MYO18B: variants seen among roughly 807,000 people sequenced by gnomAD.
MYO18B encodes myosin XVIIIB.
A neutral mutation model predicts 273.0 loss-of-function variants in MYO18B; 204 were observed. The ratio of observed to expected loss-of-function variants is 0.75; its 90% CI spans 0.67 to 0.84. The LOEUF is 0.84. Ranked by LOEUF, MYO18B falls within the 40% of genes least tolerant of loss-of-function variation. The pLI is 0.00. For missense variants in MYO18B, 3,212 were observed against 3,287.6 expected (o/e 0.98, Z 0.56); for synonymous variants, 1,330 against 1,305.7 (o/e 1.02, Z -0.40).
intron 36 of MYO18B, among the ~76,000 whole-genome samples, chr22:25,949,604 GAAT>G (rs968293795): frequency 6.6e-6 from 1 of 152,114 alleles, no homozygotes; most frequent in South Asian, 2.1e-4. Context: ...GCTGGACAAG[GAAT>G]AATAATAACA....
intron 34 of MYO18B, among the ~76,000 whole-genome samples, chr22:25,936,691 G>T (rs2092582800): frequency 6.6e-6 from 1 of 152,162 alleles, no homozygotes. Context: ...ATTTATTATA[G>T]TTCTGGAGGC....
chr22:25,946,482 G>A (rs2092714145), intron 35 of MYO18B, among the ~76,000 whole-genome samples: 1 of 152,028 alleles, frequency 6.6e-6, no homozygotes, highest in Admixed American at 6.5e-5. Flanking sequence ...CGTTCTGAAT[G>A]TGCAGGCATC....
intron 9 of MYO18B, 35 bp downstream of exon 9, chr22:25,780,233 T>G: frequency 2.5e-6 from 4 of 1,577,754 alleles, no homozygotes; most frequent in Non-Finnish European, 1.7e-6. Context: ...AGGGGGCCCT[T>G]GGGGCTGCTG....
At chr22:25,840,788 A>G (rs2090060887) in intron 17 of MYO18B, among the ~76,000 whole-genome samples, 1 of 152,118 alleles carries the variant, frequency 6.6e-6, no homozygotes, top group Non-Finnish European at 1.5e-5. Context: ...GGATTTGGCT[A>G]GATTTGTGGC....
intron 40 of MYO18B, among the ~76,000 whole-genome samples, chr22:25,999,331 C>G (rs1237862769): frequency 6.6e-6 from 1 of 152,174 alleles, no homozygotes; most frequent in African/African-American, 2.4e-5. Context: ...GAACTTGTAT[C>G]TGTCACTGTG....
chr22:25,985,890 C>T (rs955950493), intron 39 of MYO18B, among the ~76,000 whole-genome samples: 24 of 152,160 alleles, frequency 1.6e-4, no homozygotes, highest in African/African-American at 5.8e-4. Flanking sequence ...CCTCGGCCTC[C>T]TAAAGTGCTG....
chr22:25,823,796 G>A, intron 13 of MYO18B, 118 bp downstream of exon 13: 2 of 1,102,998 alleles, frequency 1.8e-6, no homozygotes, highest in Non-Finnish European at 2.6e-6. Flanking sequence ...TGCTATGAAG[G>A]CGTGTGTTAG....
chr22:25,924,700 G>A (rs949283144), intron 34 of MYO18B, among the ~76,000 whole-genome samples: 4 of 152,168 alleles, frequency 2.6e-5, no homozygotes, highest in Admixed American at 6.5e-5. Context: ...GGTTGTGAGC[G>A]AAGCGTGACA....
At chr22:25,954,773 G>A (rs1016490979) in intron 38 of MYO18B, among the ~76,000 whole-genome samples, 2 of 152,116 alleles carry the variant, frequency 1.3e-5, no homozygotes, top group African/African-American at 2.4e-5. Context: ...GTGCAGTGGC[G>A]TGATCTTGGC....
Position 25,770,919 on chromosome 22 carries a change from A to G in MYO18B, c.1627A>G (p.Arg543Gly). ...DEGTADLPAG[R>G]VRLWIDADKT... ...GGGAACAGCAGACCTGCCAGCAGGA[A>G]GGGTGAGACTTTGGATTGATGCTGA... The change falls in exon 6 of 44, where the codon AGG becomes GGG. Residue 543 changes from arginine (R) to glycine (G), a missense_variant. Coordinates refer to ENST00000335473, the MANE Select transcript of MYO18B (RefSeq NM_032608.7). 1 of 1,552,222 alleles carries G rather than the reference A, an allele frequency of 6.4e-7. No homozygotes were observed. The highest frequency in any genetic ancestry group is 8.7e-7 in the Non-Finnish European group (1 of 1,147,208).
chr22:25,861,917 G>A (rs1485992564), intron 21 of MYO18B, among the ~76,000 whole-genome samples: 1 of 152,054 alleles, frequency 6.6e-6, no homozygotes, highest in Non-Finnish European at 1.5e-5. Context: ...TGATACTACT[G>A]TAATACACAG....
At chr22:25,954,472 T>G (rs970735285) in intron 38 of MYO18B, among the ~76,000 whole-genome samples, 2 of 151,906 alleles carry the variant, frequency 1.3e-5, no homozygotes, top group Admixed American at 1.3e-4. Flanking sequence ...CCCCCATCCC[T>G]TATCTGGCAC....
At chr22:25,842,620 C>T (rs1198890424) in intron 17 of MYO18B, among the ~76,000 whole-genome samples, 7 of 146,190 alleles carry the variant, frequency 4.8e-5, no homozygotes, top group Non-Finnish European at 1.0e-4. Flanking sequence ...TGCAGTGTGC[C>T]GAGATCGCTC....
At position 25,763,389 on chromosome 22, in the gene MYO18B, G is replaced by C; in HGVS notation, c.198G>C (p.Glu66Asp). The C allele has an allele frequency of 6.2e-7, 1 of 1,607,048 alleles. No homozygotes were observed. The highest frequency in any genetic ancestry group is 8.5e-7 in the Non-Finnish European group (1 of 1,178,342). ...TAGCTGTCGCCTCTCCAGAACGAGA[G>C]GTAAGTGGTTCCTAAGAAGGAGGAC... ...KQLAVASPER[E>D]IPEISISQPN... Residue 66 changes from glutamate (E) to aspartate (D), a missense_variant and splice_region_variant, in exon 3 of 44, where the codon GAG becomes GAC. Glu to Asp is a conservative substitution (Grantham distance 45). Coordinates refer to ENST00000335473, the MANE Select transcript of MYO18B (RefSeq NM_032608.7).
Position 25,917,545 on chromosome 22 carries a change from G to GGGGGGT in MYO18B, c.5365-3711_5365-3710insGGGGTG, listed in dbSNP as rs1555944183. ...CTATTTCATTTTAAAGCTTTGTAGGGGTGTGTGTGTGTGTGTGTGTGTGTG... is the reference window on the plus strand; with the variant it reads ...CTATTTCATTTTAAAGCTTTGTAGGGGGGGGTGTGTGTGTGTGTGTGTGTGTGTGTG... On this transcript the variant is annotated intron_variant, in intron 33 of 43. Transcript: ENST00000335473. Among the ~76,000 whole-genome samples the GGGGGGT allele has an allele frequency of 7.7e-5, 11 of 142,246 alleles. No homozygotes were observed. In the East Asian group the frequency reaches 8.2e-4, roughly 11 times the overall value. The allele number at this position is 142,246 out of a possible 152,430, so 93.3% of individuals were successfully genotyped here.
chr22:25,757,972 C>T (rs935514363), intron 1 of MYO18B, among the ~76,000 whole-genome samples: 1 of 152,186 alleles, frequency 6.6e-6, no homozygotes, highest in African/African-American at 2.4e-5. Context: ...AAGATATAGT[C>T]ACTTTGGAAA....
intron 40 of MYO18B, among the ~76,000 whole-genome samples, chr22:25,996,499 T>C (rs1933258164): frequency 6.6e-6 from 1 of 152,050 alleles, no homozygotes; most frequent in South Asian, 2.1e-4. Context: ...TGCTGAGGAA[T>C]AGAGAGGGAG....
At chr22:25,917,648 T>C (rs1462590118) in intron 33 of MYO18B, among the ~76,000 whole-genome samples, 4 of 152,062 alleles carry the variant, frequency 2.6e-5, no homozygotes, top group Non-Finnish European at 2.9e-5. Flanking sequence ...TCTCTAGCTT[T>C]TCATATAAAA....
In MYO18B at chr22:25,874,297, G is replaced by A; in HGVS notation, c.3963G>A (p.Lys1321=). The A allele has an allele frequency of 6.2e-7, 1 of 1,613,936 alleles. No homozygotes were observed. Among genetic ancestry groups the A allele is most frequent in the Non-Finnish European group, 8.5e-7 (1 of 1,179,872 alleles). Residue 1321 remains lysine, a synonymous_variant, in exon 23 of 44, where the codon AAG becomes AAA. Transcript: ENST00000335473. ...TTCCCTCTCCCCAGGTTTTTCTCAA[G>A]GCAGGTGTGATCTCCAGGCTTGAGA... ...VAVGHSQVFL[K]AGVISRLEKQ... is the part of the protein sequence containing the mutation.
Sources: gnomAD v4.1 joint callset for allele counts (sites outside exome capture counted in the v4.1 genomes callset) on GRCh38, gnomAD v4.1.1 for gene constraint, MANE v1.5 for transcripts, NCBI Gene and HGNC (gene_info 2026-07-23, HGNC 2026-07-21) for gene names.